CD6: variants seen among roughly 807,000 people sequenced by gnomAD.
CD6 encodes the protein CD6 molecule, also known as T-cell differentiation antigen CD6.
A neutral mutation model predicts 75.3 loss-of-function variants in CD6; 53 were observed. The observed-to-expected ratio is 0.70, with a 90% CI of 0.56 to 0.88. The LOEUF is 0.88. Among genes scored for constraint, CD6 ranks in the 40% least tolerant of loss-of-function variants. CD6 has a pLI of 0.00. For synonymous variants in CD6, 359 were observed against 381.5 expected (o/e 0.94, Z 0.69); for missense variants, 770 against 897.1 (o/e 0.86, Z 1.81).
chr11:61,017,633 A>G, intron 10 of CD6, 83 bp downstream of exon 10: 1 of 1,569,454 alleles, frequency 6.4e-7, no homozygotes, highest in Non-Finnish European at 8.8e-7. Context: ...TCCAGCAGGA[A>G]CCTCCCTCAA....
At chr11:61,003,346 T>G (rs1858688239) in intron 1 of CD6, among the ~76,000 whole-genome samples, 1 of 152,092 alleles carries the variant, frequency 6.6e-6, no homozygotes, top group Admixed American at 6.5e-5. Flanking sequence ...TGGAACACAT[T>G]CAAACCATAG....
intron 1 of CD6, among the ~76,000 whole-genome samples, chr11:61,001,913 G>A (rs555124819): frequency 2.4e-4 from 36 of 152,308 alleles, no homozygotes; most frequent in Non-Finnish European, 4.3e-4. Flanking sequence ...CCAGCCTGTG[G>A]AGCTGGCCCT....
chr11:61,012,711 A>C (rs1859207336), intron 6 of CD6, among the ~76,000 whole-genome samples: 1 of 151,842 alleles, frequency 6.6e-6, no homozygotes, highest in Non-Finnish European at 1.5e-5. Context: ...AGCAGAGGGG[A>C]GGCTGAGGGA....
At position 60,971,755 on chromosome 11, in the gene CD6, A is replaced by T; in HGVS notation, c.-111A>T. On this transcript the variant is annotated 5_prime_UTR_variant, in exon 1 of 13. The change creates a new upstream start codon in the 5' untranslated region. Coordinates refer to ENST00000313421, the MANE Select transcript of CD6 (RefSeq NM_006725.5). ...AGAGACACAGGAACAAGAACAGCAA[A>T]GGGTAGAGCAGACCTGCGCCAGGGG... 9.8e-7 allele frequency: 1 copy of T among 1,019,320 alleles called. No individual in the cohort carries two copies. The highest frequency in any genetic ancestry group is 1.4e-5 in the South Asian group (1 of 73,638). The allele number at this position is 1,019,320 out of a possible 1,614,324, so 63.1% of individuals were successfully genotyped here.
chr11:61,006,920 G>C (rs1192007348), intron 2 of CD6, among the ~76,000 whole-genome samples: 1 of 152,158 alleles, frequency 6.6e-6, no homozygotes, highest in Non-Finnish European at 1.5e-5. Context: ...GTTCTTGGTG[G>C]GGGAGGCAGG....
At chr11:61,018,502 G>GGGGAAAAGGAGAAATGAAT in intron 12 of CD6, 109 bp downstream of exon 12, 1 of 868,602 alleles carries the variant, frequency 1.2e-6, no homozygotes, top group Non-Finnish European at 1.8e-6. Context: ...GAGAAAGGAA[G>GGGGAAAAGGAGAAATGAAT]GGTAAAAGAA....
chr11:61,015,893 G>A (rs1590728194), intron 9 of CD6, 58 bp downstream of exon 9: 19 of 1,603,390 alleles, frequency 1.2e-5, no homozygotes, highest in Middle Eastern at 3.3e-4. Context: ...AGGGGGCCCC[G>A]AGGGGACCGT....
chr11:60,983,769 C>A (rs1857683439), intron 1 of CD6, among the ~76,000 whole-genome samples: 1 of 152,122 alleles, frequency 6.6e-6, no homozygotes, highest in Admixed American at 6.5e-5. Flanking sequence ...CCAATAATAT[C>A]TTCTAAGACA....
At chr11:61,011,159 G>A (rs371627356) in intron 6 of CD6, 24 bp downstream of exon 6, 145 of 1,540,302 alleles carry the variant, frequency 9.4e-5, no homozygotes, top group Middle Eastern at 1.7e-4. Context: ...GGTACTACGC[G>A]GTTTCTCAGA....
chr11:60,995,125 C>CTT (rs11334582), intron 1 of CD6, among the ~76,000 whole-genome samples: 125 of 148,732 alleles, frequency 8.4e-4, no homozygotes, highest in African/African-American at 3.0e-3. Flanking sequence ...GCGCATGCGT[C>CTT]TTTTTTTTTT....
intron 6 of CD6, among the ~76,000 whole-genome samples, chr11:61,011,671 A>C (rs1859160826): frequency 6.6e-6 from 1 of 152,218 alleles, no homozygotes; most frequent in Admixed American, 6.5e-5. Flanking sequence ...CTGAAGTCAC[A>C]GCTAGAGATT....
chr11:61,012,516 A>G (rs1055050774), intron 6 of CD6, among the ~76,000 whole-genome samples: 5 of 152,078 alleles, frequency 3.3e-5, no homozygotes, highest in African/African-American at 1.2e-4. Flanking sequence ...GGGAGAGGAG[A>G]AAATGAAGAC....
At position 61,019,369 on chromosome 11, in the gene CD6, C is replaced by A. The variant is rs756913859; in HGVS notation, c.*51C>A. ...GTGGCTCTGACCCTCTGGCCTCCTGCTCTACCTACTCCCTTTCCCCTTTCC... is the reference window on the plus strand; with the variant it reads ...GTGGCTCTGACCCTCTGGCCTCCTGATCTACCTACTCCCTTTCCCCTTTCC... On this transcript the variant is annotated 3_prime_UTR_variant, in exon 13 of 13. Coordinates refer to ENST00000313421, the MANE Select transcript of CD6 (RefSeq NM_006725.5). 1.2e-5 allele frequency: 17 copies of A among 1,416,002 alleles called. No homozygotes were observed. The highest frequency in any genetic ancestry group is 2.8e-5 in the African/African-American group (2 of 71,338). 87.7% of individuals were successfully genotyped at this position (1,416,002 alleles called of 1,614,324 possible).
intron 1 of CD6, among the ~76,000 whole-genome samples, chr11:60,983,815 C>T (rs756044444): frequency 1.3e-5 from 2 of 152,126 alleles, no homozygotes; most frequent in African/African-American, 2.4e-5. Context: ...GTTTAATTCT[C>T]GTCTCTCTAT....
chr11:60,973,312 T>G (rs1175597127), intron 1 of CD6, among the ~76,000 whole-genome samples: 4 of 152,234 alleles, frequency 2.6e-5, no homozygotes, highest in Non-Finnish European at 5.9e-5. Flanking sequence ...CCCAGAGACC[T>G]GGGCAGAGCT....
intron 1 of CD6, among the ~76,000 whole-genome samples, chr11:60,990,090 GAAAAATTT>G (rs1858001339): frequency 6.6e-6 from 1 of 151,970 alleles, no homozygotes; most frequent in South Asian, 2.1e-4. Context: ...TACAAAAACA[GAAAAATTT>G]AAAAATTTAT....
chr11:61,001,874 T>C (rs941437820), intron 1 of CD6, among the ~76,000 whole-genome samples: 15 of 152,194 alleles, frequency 9.9e-5, no homozygotes, highest in African/African-American at 3.6e-4. Context: ...GCCGGGTCCT[T>C]CTAAGCACGG....
intron 1 of CD6, among the ~76,000 whole-genome samples, chr11:60,997,812 T>C (rs1858377476): frequency 6.9e-6 from 1 of 145,624 alleles, no homozygotes; most frequent in African/African-American, 2.7e-5. Flanking sequence ...TAGAAATGAA[T>C]TGAATTAAAT....
chr11:60,971,913 AG>A lies in CD6; in HGVS notation c.49+1del, dbSNP rs1313627838. On this transcript the variant is annotated frameshift_variant and splice_region_variant, in exon 1 of 13. Transcript: ENST00000313421. LOFTEE classifies it high-confidence loss of function. The part of the protein sequence containing the change: ...ITGLLTAALS[G>X]HPSPAPPDQL... ...CTGGATTGCTGACGGCAGCCCTCTC[AG>A]GTAGGCCCCCTTCCCTCATCTCCTG... The A allele has an allele frequency of 6.2e-7, 1 of 1,613,862 alleles. No individual in the cohort carries two copies. Among genetic ancestry groups the A allele is most frequent in the Admixed American group, 1.7e-5 (1 of 60,024 alleles).
Sources: allele counts gnomAD v4.1 joint callset (sites outside exome capture counted in the v4.1 genomes callset), GRCh38; gene constraint gnomAD v4.1.1; transcripts MANE v1.5; gene names NCBI Gene and HGNC (gene_info 2026-07-23, HGNC 2026-07-21).